RAPGEF4: variants seen among roughly 807,000 people sequenced by gnomAD.
The protein encoded by RAPGEF4 is RAP guanine-nucleotide-exchange factor (GEF) 4.
A neutral mutation model predicts 147.9 loss-of-function variants in RAPGEF4; 66 were observed. That is an observed-to-expected ratio of 0.45 (90% CI 0.37 to 0.55). The LOEUF (loss-of-function observed/expected upper bound fraction) is 0.55, where lower values mean the gene tolerates loss of function less well. RAPGEF4 is among the 20% of genes least tolerant of loss of function. The pLI, the probability that RAPGEF4 is intolerant of heterozygous loss-of-function variation, is 0.00. For synonymous variants in RAPGEF4, 419 were observed against 442.7 expected (o/e 0.95, Z 0.67); for missense variants, 1,071 against 1,257.3 (o/e 0.85, Z 2.24).
chr2:172,843,378 A>G (rs571612625), intron 4 of RAPGEF4, among the ~76,000 whole-genome samples: 1 of 152,366 alleles, frequency 6.6e-6, no homozygotes, highest in South Asian at 2.1e-4. Context: ...AAGTCAAAGC[A>G]TGCACACTTG....
chr2:172,822,085 A>T, intron 4 of RAPGEF4: 1 of 1,375,400 alleles, frequency 7.3e-7, no homozygotes, highest in South Asian at 1.3e-5. Context: ...TGGCTTTTCT[A>T]ATTATGTTCC....
At chr2:172,937,170 A>G (rs1462635236) in intron 6 of RAPGEF4, among the ~76,000 whole-genome samples, 2 of 151,038 alleles carry the variant, frequency 1.3e-5, no homozygotes, top group Non-Finnish European at 2.9e-5. Context: ...GCTGTGAGTT[A>G]TGATTATGCC....
intron 10 of RAPGEF4, among the ~76,000 whole-genome samples, chr2:172,979,449 A>G (rs1252227952): frequency 1.3e-5 from 2 of 152,230 alleles, no homozygotes; most frequent in African/African-American, 4.8e-5. Context: ...ACAAAGCTTC[A>G]TGTATATTAC....
chr2:172,809,903 C>T (rs913419978), intron 3 of RAPGEF4, among the ~76,000 whole-genome samples: 9 of 152,068 alleles, frequency 5.9e-5, no homozygotes, highest in African/African-American at 2.2e-4. Flanking sequence ...TGGATTTGAT[C>T]CTCTAAGGAG....
At chr2:173,017,288 A>C in intron 20 of RAPGEF4, 84 bp downstream of exon 20, 1 of 1,522,540 alleles carries the variant, frequency 6.6e-7, no homozygotes, top group Admixed American at 1.7e-5. Flanking sequence ...TATACATAAA[A>C]GTGATTTCTT....
intron 4 of RAPGEF4, among the ~76,000 whole-genome samples, chr2:172,848,418 A>G (rs1310843924): frequency 6.6e-6 from 1 of 152,136 alleles, no homozygotes; most frequent in Non-Finnish European, 1.5e-5. Flanking sequence ...TTAAAATGAT[A>G]ATTTGTTTGG....
At chr2:172,889,753 C>A in intron 4 of RAPGEF4, 1 of 844,776 alleles carries the variant, frequency 1.2e-6, no homozygotes, top group Non-Finnish European at 1.4e-6. Context: ...TGTCAATCAG[C>A]AAGGAAAATT....
At chr2:173,001,449 G>C in intron 17 of RAPGEF4, 105 bp downstream of exon 17, 1 of 1,412,506 alleles carries the variant, frequency 7.1e-7, no homozygotes, top group Non-Finnish European at 9.9e-7. Context: ...GGCCCAGGCA[G>C]AGTTGTGCAT....
At chr2:173,001,116 AT>A in intron 16 of RAPGEF4, 149 bp from the exon 17 acceptor site, 1 of 1,138,528 alleles carries the variant, frequency 8.8e-7, no homozygotes, top group Non-Finnish European at 1.2e-6. Flanking sequence ...CAACACCATT[AT>A]TTATATGAAG....
intron 3 of RAPGEF4, among the ~76,000 whole-genome samples, chr2:172,810,214 T>C (rs1013363716): frequency 2.0e-5 from 3 of 152,364 alleles, no homozygotes; most frequent in Admixed American, 1.3e-4. Flanking sequence ...AGTCACTGAA[T>C]ATCCTTGAGC....
At chr2:172,941,535 AC>A (rs1186145801) in intron 6 of RAPGEF4, among the ~76,000 whole-genome samples, 4 of 152,224 alleles carry the variant, frequency 2.6e-5, no homozygotes, top group Non-Finnish European at 5.9e-5. Context: ...GCCACGTCTG[AC>A]AAAAAGTAAG....
In RAPGEF4 at chr2:172,953,787, C is replaced by G. The variant is rs58993781; in HGVS notation, c.538-6973C>G. ...TGGGGTGGGGGTGTGAGGGTGAGAT[C>G]TGTGTCTCCCATCCCACCTGTCTTT... On this transcript the variant is annotated intron_variant, in intron 6 of 30. Transcript: ENST00000397081. 9.7e-3 allele frequency among the ~76,000 whole-genome samples: 1,476 copies of G among 152,256 alleles called. 21 individuals are homozygous for G. Among genetic ancestry groups the G allele is most frequent in the African/African-American group, 0.034 (1,409 of 41,560 alleles).
At chr2:172,817,218 G>T (rs547097212) in intron 4 of RAPGEF4, among the ~76,000 whole-genome samples, 3 of 152,086 alleles carry the variant, frequency 2.0e-5, no homozygotes, top group Non-Finnish European at 4.4e-5. Context: ...TCTGCTCTCA[G>T]GCTAGGGGCT....
chr2:172,947,455 G>A (rs1484274733), intron 6 of RAPGEF4, among the ~76,000 whole-genome samples: 2 of 152,142 alleles, frequency 1.3e-5, no homozygotes, highest in Non-Finnish European at 1.5e-5. Context: ...TAAAAATGCT[G>A]CATGCTCTGC....
chr2:173,010,479 G>A (rs370265357), intron 17 of RAPGEF4, among the ~76,000 whole-genome samples: 2 of 152,072 alleles, frequency 1.3e-5, no homozygotes, highest in Admixed American at 6.5e-5. Context: ...AGCCAGAGAC[G>A]GCTTCTTCAA....
At chr2:172,933,349 G>A (rs1485533690) in intron 6 of RAPGEF4, among the ~76,000 whole-genome samples, 2 of 152,048 alleles carry the variant, frequency 1.3e-5, no homozygotes, top group Non-Finnish European at 2.9e-5. Flanking sequence ...AGGTACTCAA[G>A]GGTGACTTCA....
At chr2:172,973,107 CTTTTTTTTTT>C (rs58806286) in intron 10 of RAPGEF4, among the ~76,000 whole-genome samples, 4 of 132,588 alleles carry the variant, frequency 3.0e-5, no homozygotes, top group African/African-American at 8.3e-5. Flanking sequence ...CTTTTTTTTT[CTTTTTTTTTT>C]TTTTTCTTTT....
intron 18 of RAPGEF4, 124 bp downstream of exon 18, chr2:173,014,738 A>T (rs1328205474): frequency 3.2e-6 from 3 of 944,008 alleles, no homozygotes; most frequent in Non-Finnish European, 4.5e-6. Context: ...GAACACATTC[A>T]TTCATCAGAA....
At chr2:172,831,511 C>G (rs1301813041) in intron 4 of RAPGEF4, among the ~76,000 whole-genome samples, 1 of 151,840 alleles carries the variant, frequency 6.6e-6, no homozygotes, top group Non-Finnish European at 1.5e-5. Flanking sequence ...TCAGGTGATC[C>G]ACCCACCTCA....
Sources: allele counts gnomAD v4.1 joint callset (sites outside exome capture counted in the v4.1 genomes callset), GRCh38; gene constraint gnomAD v4.1.1; transcripts MANE v1.5; gene names NCBI Gene and HGNC (gene_info 2026-07-23, HGNC 2026-07-21).